The following ZNF540 variants were observed in gnomAD, a reference collection of about 807,000 sequenced individuals.
The protein encoded by ZNF540 is CTD-3064H18.6.
ZNF540 carries 3 observed loss-of-function variants against 11.8 expected under a neutral mutation model. The observed-to-expected ratio is 0.25, with a 90% CI of 0.12 to 0.65. The LOEUF is 0.65. ZNF540 is among the 30% of genes least tolerant of loss of function. The pLI is 0.83. For synonymous variants in ZNF540, 247 were observed against 259.0 expected (o/e 0.95, Z 0.45); for missense variants, 709 against 793.1 (o/e 0.89, Z 1.27).
In ZNF540 at chr19:37,581,789, G is replaced by GAA. The variant is rs35272779; in HGVS notation, c.-72-16579_-72-16578dup. 8.0e-3 allele frequency among the ~76,000 whole-genome samples: 1,185 copies of GAA among 147,556 alleles called. 5 individuals carry two copies. The highest frequency in any genetic ancestry group is 0.014 in the South Asian group (66 of 4,640). ...ACCACCATTTTAAAGATTCTCCTGT[G>GAA]AAAAAAAAACAAAAAACAAAAACCT... On this transcript the variant is annotated intron_variant, in intron 1 of 4. Transcript: ENST00000592533.
At position 37,611,666 on chromosome 19, in the gene ZNF540, A is replaced by C. The variant is rs372551979; in HGVS notation, c.386A>C (p.Glu129Ala). 1.2e-6 allele frequency: 2 copies of C among 1,613,982 alleles called. No homozygotes were observed. Among genetic ancestry groups the C allele is most frequent in the Non-Finnish European group, 1.7e-6 (2 of 1,179,956 alleles). The change falls in exon 5 of 5, where the codon GAG (glutamate) becomes GCG (alanine). Residue 129 changes from glutamate (E) to alanine (A), a missense_variant. Physicochemically the swap from Glu to Ala is moderately radical, Grantham distance 107. Coordinates refer to ENST00000316433, the MANE Select transcript of ZNF540 (RefSeq NM_001172225.3). ...GAGTGGCAGAACAAAAGTGAGTTTG[A>C]GGGTCAACAGGGACTTAAAGAAAGA... Reference protein sequence around the residue: ...RNEWQNKSEFEGQQGLKERSI... With the variant: ...RNEWQNKSEFAGQQGLKERSI...
chr19:37,596,020 C>G (rs2043990088), intron 1 of ZNF540, among the ~76,000 whole-genome samples: 1 of 152,006 alleles, frequency 6.6e-6, no homozygotes. Flanking sequence ...ATTGTAGATT[C>G]ATATGAGGTT....
intron 1 of ZNF540, chr19:37,560,810 A>G (rs1259694697): frequency 1.3e-5 from 2 of 152,062 alleles, no homozygotes; most frequent in African/African-American, 4.8e-5. Flanking sequence ...TTCCTCCCCC[A>G]CCAACCATTT....
rs551463221 is a variant in ZNF540, at chr19:37,610,611, C to T, written c.233-902C>T. The stretch of plus-strand genomic sequence containing the variant: ...ATTATTTTTAGGAGATGAAAAATCC[C>T]ATAGAAAACTATATGAAATGGGAAA... On this transcript the variant is annotated intron_variant, in intron 4 of 4. Coordinates refer to ENST00000316433, the MANE Select transcript of ZNF540 (RefSeq NM_001172225.3). Among the ~76,000 whole-genome samples the T allele has an allele frequency of 5.0e-4, 76 of 152,034 alleles. 1 individual carries two copies. The highest frequency in any genetic ancestry group is 1.0e-3 in the Non-Finnish European group (69 of 68,010).
intron 4 of ZNF540, among the ~76,000 whole-genome samples, chr19:37,604,586 C>A (rs2044068438): frequency 6.6e-6 from 1 of 152,002 alleles, no homozygotes; most frequent in Non-Finnish European, 1.5e-5. Context: ...GGATTACAGG[C>A]ATGAGCCACC....
chr19:37,584,398 C>T (rs1600522642), intron 1 of ZNF540, among the ~76,000 whole-genome samples: 2 of 152,198 alleles, frequency 1.3e-5, no homozygotes, highest in East Asian at 1.9e-4. Context: ...TTTAATTGCA[C>T]AGCAGATAAG....
intron 1 of ZNF540, among the ~76,000 whole-genome samples, chr19:37,580,656 T>C (rs1182541432): frequency 6.6e-6 from 1 of 152,014 alleles, no homozygotes; most frequent in East Asian, 1.9e-4. Context: ...CCCTCAAGGG[T>C]GACTGAGCTC....
chr19:37,563,896 C>A (rs1378337545), intron 1 of ZNF540: 1 of 152,050 alleles, frequency 6.6e-6, no homozygotes, highest in East Asian at 1.9e-4. Context: ...TTAAGAAATT[C>A]TTTTTCCCTT....
At chr19:37,565,039 A>G (rs1489236197) in intron 1 of ZNF540, 1 of 1,613,730 alleles carries the variant, frequency 6.2e-7, no homozygotes, top group Non-Finnish European at 8.5e-7. Flanking sequence ...TCTCATGTTG[A>G]GTAAGATATG....
At chr19:37,608,563 C>T (rs1037298051) in intron 4 of ZNF540, among the ~76,000 whole-genome samples, 1 of 152,116 alleles carries the variant, frequency 6.6e-6, no homozygotes, top group Admixed American at 6.5e-5. Context: ...AAGTGTTTCT[C>T]GCCTTTTAGT....
At chr19:37,602,837 G>T (rs897845244) in intron 4 of ZNF540, among the ~76,000 whole-genome samples, 2 of 152,110 alleles carry the variant, frequency 1.3e-5, no homozygotes, top group African/African-American at 4.8e-5. Flanking sequence ...AGAGGACAAG[G>T]TTTCAGTGGA....
Position 37,613,584 on chromosome 19 carries a change from T to A in ZNF540, c.*321T>A, listed in dbSNP as rs2044150235. ...CTGTAAAATGAAACACACCTAAAAG[T>A]GTGGTTGTTTCCAACATGTATAATA... On this transcript the variant is annotated 3_prime_UTR_variant, in exon 5 of 5. Coordinates refer to ENST00000316433, the MANE Select transcript of ZNF540 (RefSeq NM_001172225.3). 5.0e-6 allele frequency: 2 copies of A among 397,618 alleles called. No individual in the cohort carries two copies. The highest frequency in any genetic ancestry group is 8.9e-6 in the Non-Finnish European group (2 of 225,134). 24.6% of individuals were successfully genotyped at this position (397,618 alleles called of 1,614,324 possible). A position where few individuals can be genotyped will look rare whatever the true frequency, so the allele number is the denominator to read the frequency against.
At chr19:37,606,496 C>T (rs1430314198) in intron 4 of ZNF540, among the ~76,000 whole-genome samples, 1 of 152,144 alleles carries the variant, frequency 6.6e-6, no homozygotes, top group Non-Finnish European at 1.5e-5. Context: ...TAAGAAACTG[C>T]CAAAATGTGT....
rs1364182485 is a variant in ZNF540, at chr19:37,612,428, A to T, written c.1148A>T (p.Tyr383Phe). The change falls in exon 5 of 5, where the codon TAT becomes TTT. Residue 383 changes from tyrosine (Y) to phenylalanine (F), a missense_variant. Transcript: ENST00000316433. ...AGAACTCATGCAGGTAAGAAACCTT[A>T]TGAATGTAAGGAGTGTGGGAAATCA... is the stretch of plus-strand genomic sequence containing the variant. ...HRRTHAGKKP[Y>F]ECKECGKSFN... 1 of 1,614,114 alleles carries T rather than the reference A, an allele frequency of 6.2e-7. No homozygotes were observed. Among genetic ancestry groups the T allele is most frequent in the Non-Finnish European group, 8.5e-7 (1 of 1,180,022 alleles).
intron 4 of ZNF540, among the ~76,000 whole-genome samples, chr19:37,602,504 C>T (rs949087845): frequency 2.0e-5 from 3 of 152,152 alleles, no homozygotes; most frequent in South Asian, 2.1e-4. Context: ...GTAGTTGAGA[C>T]AGAAGTCATA....
chr19:37,610,263 A>G lies in ZNF540; in HGVS notation c.233-1250A>G, dbSNP rs576887135. On this transcript the variant is annotated intron_variant, in intron 4 of 4. Coordinates refer to ENST00000316433, the MANE Select transcript of ZNF540 (RefSeq NM_001172225.3). Reference sequence around the variant, plus strand: ...GTCATTCATCATCATAATTTCCTTTAAGACAATGATTAATTTATTGTACAG... The same window carrying G: ...GTCATTCATCATCATAATTTCCTTTGAGACAATGATTAATTTATTGTACAG... Among the ~76,000 whole-genome samples, 7 of 152,310 alleles carry G rather than the reference A, an allele frequency of 4.6e-5. No individual in the cohort carries two copies. The South Asian group carries it at 1.5e-3, about 32-fold the overall frequency.
intron 1 of ZNF540, among the ~76,000 whole-genome samples, chr19:37,570,857 A>G (rs1162406194): frequency 6.6e-6 from 1 of 152,146 alleles, no homozygotes; most frequent in Non-Finnish European, 1.5e-5. Flanking sequence ...ACCCCTTTAT[A>G]TCCTCCATCT....
At chr19:37,570,460 C>G (rs1459323959) in intron 1 of ZNF540, among the ~76,000 whole-genome samples, 1 of 152,158 alleles carries the variant, frequency 6.6e-6, no homozygotes, top group Non-Finnish European at 1.5e-5. Context: ...AAGTCAACAC[C>G]AACTCAAGGA....
chr19:37,606,082 T>C (rs2044083373), intron 4 of ZNF540, among the ~76,000 whole-genome samples: 1 of 152,184 alleles, frequency 6.6e-6, no homozygotes, highest in Non-Finnish European at 1.5e-5. Flanking sequence ...GTTAATCCCT[T>C]CTTCAATCTA....
Sources: allele counts gnomAD v4.1 joint callset (sites outside exome capture counted in the v4.1 genomes callset), GRCh38; gene constraint gnomAD v4.1.1; transcripts MANE v1.5; gene names NCBI Gene and HGNC (gene_info 2026-07-23, HGNC 2026-07-21).